CACNB2: variants seen among roughly 807,000 people sequenced by gnomAD.
CACNB2 encodes calcium voltage-gated channel auxiliary subunit beta 2.
CACNB2 carries 42 observed loss-of-function variants against 73.3 expected under a neutral mutation model. The ratio of observed to expected loss-of-function variants is 0.57; its 90% confidence interval spans 0.45 to 0.74. The LOEUF is 0.74. CACNB2 is among the 30% of genes least tolerant of loss of function. CACNB2 has a pLI of 0.00. For synonymous variants in CACNB2, 348 were observed against 310.3 expected, an observed-to-expected ratio of 1.12 and a Z score of -1.28; for missense variants, 940 against 853.0, an observed-to-expected ratio of 1.10 and a Z score of -1.27.
At chr10:18,301,208 T>G (rs1462817995) in intron 2 of CACNB2, among the ~76,000 whole-genome samples, 3 of 152,182 alleles carry the variant, frequency 2.0e-5, no homozygotes, top group African/African-American at 7.2e-5. Flanking sequence ...TCGTTGTTAT[T>G]AACTTCCCAA....
intron 3 of CACNB2, among the ~76,000 whole-genome samples, chr10:18,456,159 C>T (rs1343036532): frequency 6.6e-6 from 1 of 152,114 alleles, no homozygotes; most frequent in African/African-American, 2.4e-5. Flanking sequence ...TTCATAATGC[C>T]TCTCCCTTAA....
chr10:18,331,693 C>G (rs948217231), intron 2 of CACNB2, among the ~76,000 whole-genome samples: 1 of 152,098 alleles, frequency 6.6e-6, no homozygotes, highest in Admixed American at 6.6e-5. Flanking sequence ...CCTCTCATAA[C>G]AGCAGAAGAC....
chr10:18,366,044 A>G (rs1262937729), intron 2 of CACNB2, among the ~76,000 whole-genome samples: 1 of 152,178 alleles, frequency 6.6e-6, no homozygotes, highest in Non-Finnish European at 1.5e-5. Flanking sequence ...AGTCTTGCTT[A>G]TTTCATTCTG....
At chr10:18,238,703 TTC>T (rs2036539476) in intron 2 of CACNB2, among the ~76,000 whole-genome samples, 2 of 152,326 alleles carry the variant, frequency 1.3e-5, no homozygotes, top group South Asian at 4.1e-4. Flanking sequence ...TAAGAATGAC[TTC>T]TTATTTGCCA....
chr10:18,261,461 A>G, intron 2 of CACNB2: 3 of 1,097,148 alleles, frequency 2.7e-6, no homozygotes, highest in Non-Finnish European at 2.7e-6. Flanking sequence ...TGAGTTTTCA[A>G]GGAATCTGAG....
intron 2 of CACNB2, among the ~76,000 whole-genome samples, chr10:18,331,746 T>G (rs2132019723): frequency 6.6e-6 from 1 of 152,286 alleles, no homozygotes; most frequent in South Asian, 2.1e-4. Context: ...AGTTAGTTAA[T>G]GGCAACAGAG....
intron 5 of CACNB2, among the ~76,000 whole-genome samples, chr10:18,502,053 A>G (rs2133044370): frequency 6.6e-6 from 1 of 152,344 alleles, no homozygotes; most frequent in East Asian, 1.9e-4. Flanking sequence ...TCATGCCTGT[A>G]ATCCCAGCAC....
At chr10:18,494,705 T>A (rs80089589) in intron 3 of CACNB2, among the ~76,000 whole-genome samples, 15 of 151,598 alleles carry the variant, frequency 9.9e-5, no homozygotes, top group South Asian at 6.2e-4. Flanking sequence ...TTTTTTTTTT[T>A]AAATCTTGGA....
intron 3 of CACNB2, among the ~76,000 whole-genome samples, chr10:18,490,580 C>A (rs2049352631): frequency 6.6e-6 from 1 of 152,134 alleles, no homozygotes; most frequent in Non-Finnish European, 1.5e-5. Flanking sequence ...GCAATAAAGT[C>A]TTTAGGATGT....
Position 18,419,218 on chromosome 10 carries a change from G to A in CACNB2, c.333+17175G>A, listed in dbSNP as rs151094207. 1.2e-3 allele frequency among the ~76,000 whole-genome samples: 190 copies of A among 152,322 alleles called. 1 individual carries two copies. Among genetic ancestry groups the A allele is most frequent in the Admixed American group, 5.0e-3 (77 of 15,288 alleles). On this transcript the variant is annotated intron_variant, in intron 3 of 13. Coordinates refer to ENST00000324631, the MANE Select transcript of CACNB2 (RefSeq NM_201596.3). ...TACTGTGACTTGCTTAATTCTATGA[G>A]TTTAAGTAGCCTGAGGATTCAATAG...
intron 2 of CACNB2, among the ~76,000 whole-genome samples, chr10:18,283,596 C>T (rs751175598): frequency 4.8e-5 from 7 of 147,068 alleles, no homozygotes; most frequent in Non-Finnish European, 8.9e-5. Context: ...CGCATGTTCT[C>T]ACTCATAGGT....
chr10:18,501,947 T>G (rs2050214287), intron 5 of CACNB2, among the ~76,000 whole-genome samples: 1 of 152,226 alleles, frequency 6.6e-6, no homozygotes, highest in Non-Finnish European at 1.5e-5. Flanking sequence ...CATTAATTCC[T>G]GGGTTATTGA....
chr10:18,171,622 C>G (rs2033253063), intron 2 of CACNB2, among the ~76,000 whole-genome samples: 1 of 139,906 alleles, frequency 7.1e-6, no homozygotes, highest in South Asian at 2.6e-4. Context: ...TCTTATTTGA[C>G]TCACTTAGTT....
intron 2 of CACNB2, among the ~76,000 whole-genome samples, chr10:18,196,145 C>T (rs923789927): frequency 1.3e-5 from 2 of 152,128 alleles, no homozygotes; most frequent in Admixed American, 1.3e-4. Context: ...TCTTATTTTA[C>T]AGATGTGACA....
chr10:18,264,272 T>C (rs571059395), intron 2 of CACNB2, among the ~76,000 whole-genome samples: 2 of 152,356 alleles, frequency 1.3e-5, no homozygotes, highest in South Asian at 2.1e-4. Flanking sequence ...AATCTCATCA[T>C]GGAAAATTGG....
intron 3 of CACNB2, among the ~76,000 whole-genome samples, chr10:18,424,036 A>T (rs1177598976): frequency 1.3e-5 from 2 of 152,084 alleles, no homozygotes; most frequent in African/African-American, 4.8e-5. Context: ...ATAGTGGGAT[A>T]AAAAGAAAAA....
rs111581145 is a variant in CACNB2 at position 18,163,099 on chromosome 10, G to A, written c.213+12124G>A. ...TGAAAGGCTTACAGCATACACAGAGGTCGAAGAGTTGGAAAATCAAGCATC... is the reference window on the plus strand; with the variant it reads ...TGAAAGGCTTACAGCATACACAGAGATCGAAGAGTTGGAAAATCAAGCATC... On this transcript the variant is annotated intron_variant, in intron 2 of 13. Coordinates refer to ENST00000324631, the MANE Select transcript of CACNB2 (RefSeq NM_201596.3). Among the ~76,000 whole-genome samples the A allele has an allele frequency of 1.3e-3, 196 of 152,226 alleles. 1 individual carries two copies. Among genetic ancestry groups the A allele is most frequent in the African/African-American group, 4.4e-3 (183 of 41,532 alleles).
intron 2 of CACNB2, among the ~76,000 whole-genome samples, chr10:18,300,512 T>C (rs2039465529): frequency 6.6e-6 from 1 of 152,260 alleles, no homozygotes; most frequent in South Asian, 2.1e-4. Flanking sequence ...CATTTGTGTT[T>C]ATGTTACTAA....
At position 18,387,511 on chromosome 10, in the gene CACNB2, T is replaced by C. The variant is rs117930047; in HGVS notation, c.214-14413T>C. ...TTTGAGTATTACATTCTACTGTATATATGTGTTGGGAAAAGGAGATAATAA... is the reference window on the plus strand; with the variant it reads ...TTTGAGTATTACATTCTACTGTATACATGTGTTGGGAAAAGGAGATAATAA... On this transcript the variant is annotated intron_variant, in intron 2 of 13. Coordinates refer to ENST00000324631, the MANE Select transcript of CACNB2 (RefSeq NM_201596.3). 6.9e-3 allele frequency among the ~76,000 whole-genome samples: 1,055 copies of C among 152,236 alleles called. 5 individuals carry two copies. Among genetic ancestry groups the C allele is most frequent in the Non-Finnish European group, 0.011 (771 of 68,022 alleles).
Sources: gnomAD v4.1 joint callset for allele counts (sites outside exome capture counted in the v4.1 genomes callset) on GRCh38, gnomAD v4.1.1 for gene constraint, MANE v1.5 for transcripts, NCBI Gene and HGNC (gene_info 2026-07-23, HGNC 2026-07-21) for gene names.